Variants in PDSS2 observed in about 807,000 individuals in gnomAD.
PDSS2 encodes the protein all trans-polyprenyl-diphosphate synthase PDSS2.
In PDSS2, 31 loss-of-function variants were observed where a neutral mutation model predicts 44.5. That is an observed-to-expected ratio of 0.70 (90% CI 0.52 to 0.94). The LOEUF is 0.94. Among genes scored for constraint, PDSS2 ranks in the 40% least tolerant of loss-of-function variants. The probability of loss-of-function intolerance (pLI) is 0.00; values close to 1 mark genes in which losing one functional copy is unlikely to be tolerated. For synonymous variants in PDSS2, 157 were observed against 180.3 expected, an observed-to-expected ratio of 0.87 and a Z score of 1.03; for missense variants, 452 against 482.2, an observed-to-expected ratio of 0.94 and a Z score of 0.59.
chr6:107,456,883 A>C (rs560098006), intron 1 of PDSS2, among the ~76,000 whole-genome samples: 2 of 152,300 alleles, frequency 1.3e-5, no homozygotes, highest in South Asian at 4.1e-4. Context: ...AAAACAGTTT[A>C]GTGGGAGTCA....
Position 107,459,024 on chromosome 6 carries a change from C to A in PDSS2, c.262G>T (p.Val88Leu), listed in dbSNP as rs545921648. The A allele has an allele frequency of 1.5e-5, 24 of 1,614,138 alleles. No individual in the cohort carries two copies. The South Asian group carries it at 2.5e-4, about 17-fold the overall frequency. The change falls in exon 1 of 8, where the codon GTG becomes TTG. Residue 88 changes from valine to leucine, a missense_variant. Transcript: ENST00000369037. The surrounding 1 kb of genome is among the most constrained non-coding windows in gnomAD (Gnocchi z 4.3). The stretch of plus-strand genomic sequence containing the variant: ...GTAAGCAGAGGGTGCTGAGTGCCCA[C>A]CAGCTTCCGCACCTGCATAGCGATG... ...SNIAMQVRKL[V>L]GTQHPLLTTA...
At chr6:107,206,983 A>C (rs903213125) in intron 6 of PDSS2, among the ~76,000 whole-genome samples, 1 of 150,020 alleles carries the variant, frequency 6.7e-6, no homozygotes, top group African/African-American at 2.4e-5. Flanking sequence ...TCAAAGATGA[A>C]TTTGCTATTA....
rs374369326 is a variant in PDSS2 at position 107,274,203 on chromosome 6, C to T, written c.456G>A (p.Thr152=). The change falls in exon 3 of 8, where the codon ACG becomes ACA. Residue 152 remains threonine (T), a synonymous_variant. Coordinates refer to ENST00000369037, the MANE Select transcript of PDSS2 (RefSeq NM_020381.4). ...YSCQRSLAEI[T]ELIHIALLVH... The stretch of plus-strand genomic sequence containing the variant: ...CAAGGAGAGCAATATGAATTAGCTC[C>T]GTGATCTCTGCCAAACTTCTTTGAC... 63 of 1,613,568 alleles carry T rather than the reference C, an allele frequency of 3.9e-5. No individual in the cohort carries two copies. The highest frequency in any genetic ancestry group is 5.0e-5 in the Non-Finnish European group (59 of 1,179,638).
chr6:107,323,771 G>A (rs1381508921), intron 2 of PDSS2, among the ~76,000 whole-genome samples: 1 of 152,180 alleles, frequency 6.6e-6, no homozygotes. Context: ...ACTGGACAGT[G>A]CCTTTAACTT....
chr6:107,422,220 A>T (rs1490479905), intron 1 of PDSS2, among the ~76,000 whole-genome samples: 1 of 152,006 alleles, frequency 6.6e-6, no homozygotes, highest in Non-Finnish European at 1.5e-5. Context: ...AAGAAATAAA[A>T]TTGGCCAACC....
intron 1 of PDSS2, among the ~76,000 whole-genome samples, chr6:107,343,621 T>C (rs1162578198): frequency 6.6e-6 from 1 of 152,190 alleles, no homozygotes; most frequent in Non-Finnish European, 1.5e-5. Flanking sequence ...GGGAAAATAC[T>C]AAAAATGTTA....
chr6:107,166,522 G>C (rs1272953668), intron 7 of PDSS2, among the ~76,000 whole-genome samples: 1 of 151,908 alleles, frequency 6.6e-6, no homozygotes, highest in Non-Finnish European at 1.5e-5. Flanking sequence ...CTGCCACCAC[G>C]CCTGGCTATT....
chr6:107,195,481 C>CA (rs762125818), intron 6 of PDSS2, among the ~76,000 whole-genome samples: 30,040 of 87,672 alleles, frequency 0.34, 4,705 homozygotes, highest in East Asian at 0.65. Flanking sequence ...GATCCTGTCT[C>CA]AAAAAAAAAA....
chr6:107,403,783 C>T (rs1243228245), intron 1 of PDSS2, among the ~76,000 whole-genome samples: 1 of 152,208 alleles, frequency 6.6e-6, no homozygotes, highest in East Asian at 1.9e-4. Flanking sequence ...CCAGCAGCTG[C>T]ACACAGCAGG....
At chr6:107,242,535 C>T (rs141115875) in intron 4 of PDSS2, among the ~76,000 whole-genome samples, 361 of 151,606 alleles carry the variant, frequency 2.4e-3, no homozygotes, top group African/African-American at 8.2e-3. Context: ...TGAGCCACCA[C>T]GCCTGGCCAA....
chr6:107,304,178 T>C (rs774616842), intron 2 of PDSS2, among the ~76,000 whole-genome samples: 6 of 152,152 alleles, frequency 3.9e-5, no homozygotes, highest in Non-Finnish European at 7.3e-5. Context: ...ATGTCTGTTC[T>C]ATGTGACCCT....
intron 1 of PDSS2, among the ~76,000 whole-genome samples, chr6:107,418,363 A>G (rs1780728022): frequency 6.6e-6 from 1 of 152,074 alleles, no homozygotes; most frequent in South Asian, 2.1e-4. Flanking sequence ...CAAGGAACAG[A>G]TCCTCTCTAG....
intron 1 of PDSS2, among the ~76,000 whole-genome samples, chr6:107,379,282 G>A (rs1301344463): frequency 1.3e-5 from 2 of 152,210 alleles, no homozygotes; most frequent in Non-Finnish European, 2.9e-5. Context: ...TAACATTTCT[G>A]TATTATAACA....
chr6:107,164,333 C>A (rs973925868), intron 7 of PDSS2, among the ~76,000 whole-genome samples: 4 of 152,126 alleles, frequency 2.6e-5, no homozygotes, highest in Admixed American at 6.6e-5. Context: ...CACCCCACGA[C>A]AGGCCCTGGT....
intron 1 of PDSS2, among the ~76,000 whole-genome samples, chr6:107,433,521 G>A (rs947402037): frequency 2.6e-5 from 4 of 152,284 alleles, no homozygotes; most frequent in African/African-American, 9.6e-5. Context: ...ATTGGGGAAA[G>A]GACAGTCTCT....
Position 107,432,060 on chromosome 6 carries a change from A to G in PDSS2, c.296+26930T>C, listed in dbSNP as rs117888849. 4.4e-4 allele frequency among the ~76,000 whole-genome samples: 67 copies of G among 152,368 alleles called. No homozygotes were observed. The East Asian group carries it at 0.012, about 26-fold the overall frequency. Reference sequence around the variant, plus strand: ...TTTACTATAATTAAGTTAAACTAAAATTAGTTAGAATTGTGAACTGAAATT... The same window carrying G: ...TTTACTATAATTAAGTTAAACTAAAGTTAGTTAGAATTGTGAACTGAAATT... On this transcript the variant is annotated intron_variant, in intron 1 of 7. Transcript: ENST00000369037.
intron 3 of PDSS2, among the ~76,000 whole-genome samples, chr6:107,268,505 TAAC>T (rs1334107752): frequency 1.3e-5 from 2 of 152,124 alleles, no homozygotes; most frequent in African/African-American, 2.4e-5. Flanking sequence ...GAAATAAAAA[TAAC>T]ATACATGTAC....
intron 2 of PDSS2, among the ~76,000 whole-genome samples, chr6:107,296,600 G>A (rs1293870829): frequency 6.6e-6 from 1 of 152,136 alleles, no homozygotes; most frequent in Non-Finnish European, 1.5e-5. Context: ...GGTGGCAGGA[G>A]CCTGTAATCC....
At chr6:107,302,419 G>A (rs1234224667) in intron 2 of PDSS2, among the ~76,000 whole-genome samples, 1 of 149,216 alleles carries the variant, frequency 6.7e-6, no homozygotes, top group Non-Finnish European at 1.5e-5. Flanking sequence ...GACCACGGGT[G>A]CATGCCATCA....
Sources: allele counts gnomAD v4.1 joint callset (sites outside exome capture counted in the v4.1 genomes callset), GRCh38; gene constraint gnomAD v4.1.1; non-coding constraint Gnocchi (gnomAD v3.1); transcripts MANE v1.5; gene names NCBI Gene and HGNC (gene_info 2026-07-23, HGNC 2026-07-21).